CFAP46: variants seen among roughly 807,000 people sequenced by gnomAD.
The protein encoded by CFAP46 is cilia and flagella associated protein 46.
In CFAP46, 245 loss-of-function variants were observed where a neutral mutation model predicts 325.7. The ratio of observed to expected loss-of-function variants is 0.75; its 90% CI spans 0.68 to 0.84. The LOEUF is 0.84. CFAP46 is among the 40% of genes least tolerant of loss of function. The pLI, the probability that CFAP46 is intolerant of heterozygous loss-of-function variation, is 0.00. For synonymous variants in CFAP46, 1,523 were observed against 1,495.9 expected (o/e 1.02, Z -0.42); for missense variants, 3,346 against 3,543.0 (o/e 0.94, Z 1.41).
At position 132,880,960 on chromosome 10, in the gene CFAP46, G is replaced by A; in HGVS notation, c.3700C>T (p.Pro1234Ser). The part of the protein sequence containing the change: ...FGQWLHHRHF[P>S]LEDVVFHLRW... ...AGGTGGAAGACCACGTCCTCGAGAG[G>A]AAAGTGTCTGTGATGGAGCCACTGG... Residue 1234 changes from proline (P) to serine (S), a missense_variant, in exon 28 of 58, where the codon CCT (proline) becomes TCT (serine). Transcript: ENST00000368586. 1 of 1,550,552 alleles carries A rather than the reference G, an allele frequency of 6.4e-7. No homozygotes were observed. Among genetic ancestry groups the A allele is most frequent in the Non-Finnish European group, 8.7e-7 (1 of 1,146,986 alleles).
At chr10:132,835,666 A>G (rs1020217709) in intron 46 of CFAP46, among the ~76,000 whole-genome samples, 3 of 152,186 alleles carry the variant, frequency 2.0e-5, no homozygotes, top group Middle Eastern at 3.4e-3. Flanking sequence ...CGCCCCGTCT[A>G]CACCTGTTTC....
In CFAP46 at chr10:132,834,025, C is replaced by T. The variant is rs201000861; in HGVS notation, c.6949+16G>A. 1.4e-4 allele frequency: 226 copies of T among 1,611,348 alleles called. 2 individuals are homozygous for T. Among genetic ancestry groups the T allele is most frequent in the Middle Eastern group, 1.0e-3 (6 of 5,950 alleles). ...ATGAGCTCCCCAGGCTGAGTGGCCA[C>T]GCCCGCCCCACTCACTGTGTTGTCC... On this transcript the variant is annotated intron_variant, in intron 49 of 57. Transcript: ENST00000368586.
chr10:132,893,235 G>A (rs545004283), intron 24 of CFAP46, among the ~76,000 whole-genome samples: 1 of 152,214 alleles, frequency 6.6e-6, no homozygotes, highest in Non-Finnish European at 1.5e-5. Context: ...AGTGCAGGCA[G>A]CCACCGTACA....
chr10:132,860,743 G>T (rs550241517), intron 36 of CFAP46, 39 bp downstream of exon 36: 1 of 1,543,720 alleles, frequency 6.5e-7, no homozygotes, highest in Admixed American at 2.0e-5. Context: ...CACCTGGCCC[G>T]GCACCCGACA....
intron 50 of CFAP46, among the ~76,000 whole-genome samples, chr10:132,830,517 C>T (rs1226638305): frequency 6.6e-6 from 1 of 152,216 alleles, no homozygotes; most frequent in Non-Finnish European, 1.5e-5. Context: ...TCCAGGTCAT[C>T]CCTTTCTTCT....
At position 132,820,194 on chromosome 10, in the gene CFAP46, G is replaced by A. The variant is rs557895242; in HGVS notation, c.7118-5280C>T. On this transcript the variant is annotated intron_variant, in intron 50 of 57. Transcript: ENST00000368586. ...AGCCTTAGCAAGATGACATCCTGTCGCCGTTGGCGACAACATGGATGAACC... is the reference window on the plus strand; with the variant it reads ...AGCCTTAGCAAGATGACATCCTGTCACCGTTGGCGACAACATGGATGAACC... 4.6e-5 allele frequency among the ~76,000 whole-genome samples: 7 copies of A among 152,340 alleles called. No homozygotes were observed. The East Asian group carries it at 7.7e-4, about 17-fold the overall frequency.
At chr10:132,810,115 C>G (rs1239747036) in intron 57 of CFAP46, among the ~76,000 whole-genome samples, 2 of 152,202 alleles carry the variant, frequency 1.3e-5, no homozygotes, top group African/African-American at 2.4e-5. Flanking sequence ...CTGGAGCTGT[C>G]AACGAGGAAC....
At chr10:132,878,766 G>A (rs1848994518) in intron 29 of CFAP46, among the ~76,000 whole-genome samples, 1 of 152,192 alleles carries the variant, frequency 6.6e-6, no homozygotes, top group African/African-American at 2.4e-5. Flanking sequence ...CGGCTGGGCG[G>A]TGGCCCTCTT....
intron 35 of CFAP46, among the ~76,000 whole-genome samples, chr10:132,864,174 G>A (rs373458126): frequency 0.087 from 9,750 of 111,776 alleles, 350 homozygotes; most frequent in Non-Finnish European, 0.1. Flanking sequence ...CCTGTCCCCA[G>A]TGCCTGAGAC....
rs778691561 is a variant in CFAP46 at position 132,924,851 on chromosome 10, C to T, written c.1101G>A (p.Ala367=). ...QLDIIQRLDV[A]LQRAVRLGDP... ...CGCCCAGGCGCACGGCTCGCTGCAG[C>T]GCGACGTCTAGCCTCTGTATGATAT... The change falls in exon 11 of 58, where the codon GCG becomes GCA. Residue 367 remains alanine, a synonymous_variant. Transcript: ENST00000368586. 23 of 1,427,858 alleles carry T rather than the reference C, an allele frequency of 1.6e-5. No homozygotes were observed. The highest frequency in any genetic ancestry group is 7.3e-5 in the South Asian group (5 of 68,316). 88.4% of individuals were successfully genotyped at this position (1,427,858 alleles called of 1,614,324 possible).
At position 132,938,594 on chromosome 10, in the gene CFAP46, C is replaced by A. The variant is rs1850048611; in HGVS notation, c.531G>T (p.Leu177=). 3 of 1,613,006 alleles carry A rather than the reference C, an allele frequency of 1.9e-6. No individual in the cohort carries two copies. The highest frequency in any genetic ancestry group is 2.5e-6 in the Non-Finnish European group (3 of 1,179,874). ...GCACGGCGAGCTCAACTCACAGCAT[C>A]AGCTCAGCACGCCACTCCTTGTCTT... ...EEEDKEWRAE[L]MLELLECYLQ... is the part of the protein sequence containing the mutation. The change falls in exon 5 of 58, where the codon CTG becomes CTT. Residue 177 remains leucine, a synonymous_variant. Coordinates refer to ENST00000368586, the MANE Select transcript of CFAP46 (RefSeq NM_001200049.3).
At chr10:132,897,247 T>C (rs1029633097) in intron 24 of CFAP46, among the ~76,000 whole-genome samples, 2 of 152,026 alleles carry the variant, frequency 1.3e-5, no homozygotes, top group African/African-American at 2.4e-5. Flanking sequence ...AAAGAAAAAA[T>C]AGATAAACTG....
intron 56 of CFAP46, 152 bp from the exon 57 acceptor site, chr10:132,810,641 T>C: frequency 1.3e-6 from 1 of 770,426 alleles, no homozygotes; most frequent in Non-Finnish European, 2.3e-6. Context: ...CGGCCACTGG[T>C]TTGCCAGGAT....
intron 50 of CFAP46, among the ~76,000 whole-genome samples, chr10:132,824,499 G>A (rs1396019957): frequency 2.1e-5 from 2 of 95,762 alleles, no homozygotes; most frequent in Non-Finnish European, 4.3e-5. Flanking sequence ...TGTGTGCTGT[G>A]TGCTGATGTG....
chr10:132,908,379 C>T lies in CFAP46; in HGVS notation c.2924+89G>A, dbSNP rs376429905. The T allele has an allele frequency of 1.8e-4, 260 of 1,471,518 alleles. 1 individual carries two copies. In the East Asian group the frequency reaches 3.5e-3, roughly 20 times the overall value. The allele number at this position is 1,471,518 out of a possible 1,614,324, so 91.2% of individuals were successfully genotyped here. On this transcript the variant is annotated intron_variant, in intron 22 of 57. Transcript: ENST00000368586. The stretch of plus-strand genomic sequence containing the variant: ...CCCGTTTTGGGGAACTGGTGGGGCG[C>T]TCACCTGCTCCCTGATCTGTGATTG...
At chr10:132,826,977 G>T (rs1296060778) in intron 50 of CFAP46, among the ~76,000 whole-genome samples, 1 of 152,198 alleles carries the variant, frequency 6.6e-6, no homozygotes, top group East Asian at 1.9e-4. Context: ...GCTGCCTCCT[G>T]CCTGATTCTC....
chr10:132,840,898 G>A (rs760657099), intron 44 of CFAP46, among the ~76,000 whole-genome samples: 4 of 152,204 alleles, frequency 2.6e-5, no homozygotes, highest in Non-Finnish European at 5.9e-5. Flanking sequence ...CTTCTCGCAG[G>A]TGGGGACACC....
At position 132,922,527 on chromosome 10, in the gene CFAP46, G is replaced by A; in HGVS notation, c.1438C>T (p.Gln480Ter). Residue 480 changes from glutamine to a stop codon, truncating the protein, a stop_gained, in exon 12 of 58, where the codon CAG becomes TAG. Transcript: ENST00000368586. LOFTEE classifies it high-confidence loss of function. ...TTGTCCTCTGCGCGCTCAGGGGCCT[G>A]GTATAGCGTGGTGCACAGACGCAGC... ...TRLRLCTTLY[Q>*]APERAEDKAI... 6 of 1,547,150 alleles carry A rather than the reference G, an allele frequency of 3.9e-6. No homozygotes were observed. The East Asian group carries it at 1.2e-4, about 32-fold the overall frequency.
chr10:132,836,769 G>T, intron 45 of CFAP46, 48 bp downstream of exon 45: 2 of 1,505,598 alleles, frequency 1.3e-6, no homozygotes, highest in Non-Finnish European at 1.8e-6. Flanking sequence ...CCTCCCTGAG[G>T]CCTCTCAGCG....
Sources: gnomAD v4.1 joint callset for allele counts (sites outside exome capture counted in the v4.1 genomes callset) on GRCh38, gnomAD v4.1.1 for gene constraint, MANE v1.5 for transcripts, NCBI Gene and HGNC (gene_info 2026-07-23, HGNC 2026-07-21) for gene names.